Variants in DAGLA observed in about 807,000 individuals in gnomAD.
The protein encoded by DAGLA is diacylglycerol lipase-alpha.
Under a neutral mutation model 102.6 loss-of-function variants are expected in DAGLA, and 22 were observed. The observed-to-expected ratio is 0.21, with a 90% CI of 0.15 to 0.31. The LOEUF (loss-of-function observed/expected upper bound fraction) is 0.31, where lower values mean the gene tolerates loss of function less well. Among genes scored for constraint, DAGLA ranks in the 10% least tolerant of loss-of-function variants. DAGLA has a pLI of 1.00. For synonymous variants in DAGLA, 578 were observed against 628.9 expected (o/e 0.92, Z 1.21); for missense variants, 927 against 1,446.6 (o/e 0.64, Z 5.83).
intron 1 of DAGLA, among the ~76,000 whole-genome samples, chr11:61,700,549 A>G (rs904205304): frequency 2.0e-5 from 3 of 152,188 alleles, no homozygotes; most frequent in Non-Finnish European, 2.9e-5. Flanking sequence ...TGACTCCTTG[A>G]GCCTGTGATC....
At chr11:61,715,467 C>G (rs975917147) in intron 1 of DAGLA, among the ~76,000 whole-genome samples, 1 of 152,216 alleles carries the variant, frequency 6.6e-6, no homozygotes, top group Non-Finnish European at 1.5e-5. Flanking sequence ...TTCTTCCCCC[C>G]CATCCCCCTG....
rs564129144 is a variant in DAGLA, at chr11:61,684,740, G to A, written c.-45+4236G>A. On this transcript the variant is annotated intron_variant, in intron 1 of 19. Transcript: ENST00000257215. This position sits in a 1 kb window ranked among gnomAD's most constrained non-coding sequence, Gnocchi z 4.5. Reference sequence around the variant, plus strand: ...AAGTGTTTCTGTGGGAAGTGAGGGCGGAGGGGGTGTGGAGCGCCTGGTGGT... The same window carrying A: ...AAGTGTTTCTGTGGGAAGTGAGGGCAGAGGGGGTGTGGAGCGCCTGGTGGT... Among the ~76,000 whole-genome samples, 10 of 152,220 alleles carry A rather than the reference G, an allele frequency of 6.6e-5. No homozygotes were observed. Among genetic ancestry groups the A allele is most frequent in the South Asian group, 2.1e-4 (1 of 4,818 alleles).
At chr11:61,700,560 G>C (rs531789855) in intron 1 of DAGLA, among the ~76,000 whole-genome samples, 3 of 152,338 alleles carry the variant, frequency 2.0e-5, no homozygotes, top group Admixed American at 2.0e-4. Context: ...GCCTGTGATC[G>C]TGGTCCTCAG....
At chr11:61,682,781 A>T (rs2064953299) in intron 1 of DAGLA, among the ~76,000 whole-genome samples, 1 of 147,034 alleles carries the variant, frequency 6.8e-6, no homozygotes, top group Non-Finnish European at 1.5e-5. Context: ...AGTGGGTCAG[A>T]GCATCCACAG....
intron 5 of DAGLA, among the ~76,000 whole-genome samples, chr11:61,723,943 C>T (rs1225575048): frequency 1.3e-5 from 2 of 152,176 alleles, no homozygotes; most frequent in African/African-American, 4.8e-5. Context: ...GTTACAAGTC[C>T]ACCACACAGC....
In DAGLA at chr11:61,728,287, G is replaced by A. The variant is rs1427876635; in HGVS notation, c.771G>A (p.Glu257=). The A allele has an allele frequency of 3.7e-6, 6 of 1,610,116 alleles. No individual in the cohort carries two copies. The African/African-American group carries it at 5.3e-5, about 14-fold the overall frequency. Reference sequence around the variant, plus strand: ...CCAAGCGCAACGCCGTGCTGGACGAGGTGAGCACCACCAGCCCCTTCTCCA... The same window carrying A: ...CCAAGCGCAACGCCGTGCTGGACGAAGTGAGCACCACCAGCCCCTTCTCCA... ...QRAKRNAVLD[E]ANNDILAFLS... The change falls in exon 7 of 20, where the codon GAG becomes GAA. Residue 257 remains glutamate (E), a splice_region_variant and synonymous_variant. Coordinates refer to ENST00000257215, the MANE Select transcript of DAGLA (RefSeq NM_006133.3).
chr11:61,708,815 G>T (rs943237651), intron 1 of DAGLA, among the ~76,000 whole-genome samples: 1 of 152,316 alleles, frequency 6.6e-6, no homozygotes, highest in East Asian at 1.9e-4. Flanking sequence ...CTCTGTGGCC[G>T]TTTGAGTAAA....
chr11:61,731,928 A>G (rs2065378753), intron 9 of DAGLA, among the ~76,000 whole-genome samples: 1 of 152,124 alleles, frequency 6.6e-6, no homozygotes, highest in African/African-American at 2.4e-5. Context: ...GGCCCAATCC[A>G]TAGAGGTCTT....
chr11:61,742,953 G>A (rs960774569), intron 19 of DAGLA, among the ~76,000 whole-genome samples: 1 of 152,148 alleles, frequency 6.6e-6, no homozygotes, highest in African/African-American at 2.4e-5. Context: ...AACCCCAGCA[G>A]CACTCCTGAA....
chr11:61,743,506 C>A, intron 19 of DAGLA, 26 bp from the exon 20 acceptor site: 2 of 1,494,346 alleles, frequency 1.3e-6, no homozygotes, highest in Non-Finnish European at 1.8e-6. Context: ...GAGTCTTATA[C>A]CCCCTGCTCT....
At chr11:61,703,678 A>AATGGATGGATGGATGGATGG (rs10664991) in intron 1 of DAGLA, among the ~76,000 whole-genome samples, 1 of 149,460 alleles carries the variant, frequency 6.7e-6, no homozygotes, top group African/African-American at 2.5e-5. Flanking sequence ...AGGATGGAGG[A>AATGGATGGATGGATGGATGG]ATGGATGGAT....
Position 61,728,113 on chromosome 11 carries a change from G to C in DAGLA, c.637-40G>C. The C allele has an allele frequency of 3.1e-6, 5 of 1,611,554 alleles. No homozygotes were observed. In the East Asian group the frequency reaches 8.9e-5, roughly 29 times the overall value. The stretch of plus-strand genomic sequence containing the variant: ...CTCCTGGCCTCTCGTCCTCTCTCCT[G>C]CTCCCCTGCCACTGCCTCCTGCCTT... On this transcript the variant is annotated intron_variant, in intron 6 of 19. Coordinates refer to ENST00000257215, the MANE Select transcript of DAGLA (RefSeq NM_006133.3).
At chr11:61,705,501 T>G (rs516722) in intron 1 of DAGLA, among the ~76,000 whole-genome samples, 148,629 of 152,292 alleles carry the variant, frequency 0.98, 72,633 homozygotes, top group East Asian at 1. Flanking sequence ...CTTGTTCCGC[T>G]CTGCTCTCTC....
chr11:61,743,680 C>T lies in DAGLA; in HGVS notation c.2320C>T (p.Arg774Trp), dbSNP rs752373697. 1.0e-5 allele frequency: 16 copies of T among 1,600,754 alleles called. No individual in the cohort carries two copies. The highest frequency in any genetic ancestry group is 2.2e-5 in the East Asian group (1 of 44,746). The change falls in exon 20 of 20, where the codon CGG becomes TGG. Residue 774 changes from arginine (R) to tryptophan (W), a missense_variant. Arg to Trp is a moderately radical substitution (Grantham distance 101). Around this residue, in one of 4 missense-constraint regions of DAGLA, gnomAD observed 434 missense variants for 503.3 expected, o/e 0.86. Transcript: ENST00000257215. ...ERLAAELQAR[R>W]APLATMESLS... ...GCTGGCGGCGGAGCTGCAGGCCCGG[C>T]GGGCACCACTGGCCACCATGGAGAG... is the stretch of plus-strand genomic sequence containing the variant.
chr11:61,714,694 T>C (rs990391272), intron 1 of DAGLA, among the ~76,000 whole-genome samples: 1 of 152,182 alleles, frequency 6.6e-6, no homozygotes, highest in Admixed American at 6.5e-5. Flanking sequence ...GGGATGGATA[T>C]CACGGGAAGA....
In DAGLA at chr11:61,743,903, A is replaced by G; in HGVS notation, c.2543A>G (p.Lys848Arg). ...TELLAADSLS[K>R]HSQDTQPLEA... ...CTGCTGGCGGCCGACAGCCTGTCCA[A>G]GCACTCACAGGACACGCAGCCCCTG... The change falls in exon 20 of 20, where the codon AAG (lysine) becomes AGG (arginine). Residue 848 changes from lysine to arginine, a missense_variant. Around this residue, in one of 4 missense-constraint regions of DAGLA, gnomAD observed 434 missense variants for 503.3 expected, o/e 0.86. Transcript: ENST00000257215. The G allele has an allele frequency of 1.9e-6, 3 of 1,612,360 alleles. No homozygotes were observed. The highest frequency in any genetic ancestry group is 4.5e-5 in the East Asian group (2 of 44,864).
At chr11:61,722,733 C>A in intron 3 of DAGLA, 126 bp from the exon 4 acceptor site, 1 of 766,826 alleles carries the variant, frequency 1.3e-6, no homozygotes, top group Non-Finnish European at 2.2e-6. Flanking sequence ...TAATGGCCCG[C>A]TGCCTCTGCC....
intron 7 of DAGLA, 117 bp downstream of exon 7, chr11:61,728,404 C>T (rs776671151): frequency 2.6e-5 from 35 of 1,327,464 alleles, no homozygotes; most frequent in African/African-American, 4.3e-5. Flanking sequence ...CCAGTGACCA[C>T]GCACTCTCTT....
intron 7 of DAGLA, 27 bp from the exon 8 acceptor site, chr11:61,728,904 G>A (rs752521343): frequency 6.2e-7 from 1 of 1,609,142 alleles, no homozygotes; most frequent in African/African-American, 1.3e-5. Flanking sequence ...GCCAGTGATT[G>A]TCCTTCTTCA....
Sources: allele counts gnomAD v4.1 joint callset (sites outside exome capture counted in the v4.1 genomes callset), GRCh38; gene constraint gnomAD v4.1.1; regional missense constraint gnomAD v4.1.1; non-coding constraint Gnocchi (gnomAD v3.1); transcripts MANE v1.5; gene names NCBI Gene and HGNC (gene_info 2026-07-23, HGNC 2026-07-21).